The following CCDC171 variants were observed in gnomAD, a reference collection of about 807,000 sequenced individuals.
The protein encoded by CCDC171 is coiled-coil domain containing 171.
In CCDC171, 177 loss-of-function variants were observed where a neutral mutation model predicts 168.2. The ratio of observed to expected loss-of-function variants is 1.05; its 90% CI spans 0.93 to 1.19. The LOEUF (loss-of-function observed/expected upper bound fraction) is 1.19. CCDC171 is among the 50% of genes most tolerant of loss of function. The pLI is 0.00. For synonymous variants in CCDC171, 687 were observed against 540.8 expected, an observed-to-expected ratio of 1.27 and a Z score of -3.75; for missense variants, 1,991 against 1,539.0, an observed-to-expected ratio of 1.29 and a Z score of -4.91.
At chr9:15,896,688 A>G (rs1820944100) in intron 24 of CCDC171, among the ~76,000 whole-genome samples, 2 of 152,042 alleles carry the variant, frequency 1.3e-5, no homozygotes, top group South Asian at 4.1e-4. Context: ...CACCATTATC[A>G]CTAAAAAGCC....
chr9:16,010,855 C>A (rs1437210860), intron 3 of CCDC171, among the ~76,000 whole-genome samples: 1 of 151,934 alleles, frequency 6.6e-6, no homozygotes, highest in African/African-American at 2.4e-5. Context: ...GTTAGTTTGC[C>A]CTAAAAGAGT....
At chr9:15,556,982 A>G (rs1478497027) in intron 1 of CCDC171, among the ~76,000 whole-genome samples, 1 of 152,172 alleles carries the variant, frequency 6.6e-6, no homozygotes, top group Non-Finnish European at 1.5e-5. Context: ...TCCCAACACC[A>G]TTTATTAAAT....
chr9:15,588,333 A>ACGT (rs1422557923), intron 4 of CCDC171: 1 of 223,202 alleles, frequency 4.5e-6, no homozygotes, highest in African/African-American at 2.4e-5. Context: ...ATCTGGTGCT[A>ACGT]CGTCTTAGCA....
At chr9:16,040,573 C>A (rs986167710), upstream of CCDC171, among the ~76,000 whole-genome samples, 3 of 152,172 alleles carry the variant, frequency 2.0e-5, no homozygotes, top group Non-Finnish European at 2.9e-5. Flanking sequence ...ACGCTGAGCT[C>A]CTCCCAGGAA....
intron 25 of CCDC171, among the ~76,000 whole-genome samples, chr9:15,921,740 C>G (rs1276963239): frequency 6.6e-6 from 1 of 151,388 alleles, no homozygotes; most frequent in African/African-American, 2.4e-5. Context: ...AATTTGACCT[C>G]CACCAAGAGA....
the CCDC171 span, among the ~76,000 whole-genome samples, chr9:16,070,011 G>A: frequency 1.3e-5 from 2 of 152,170 alleles, no homozygotes; most frequent in African/African-American, 2.4e-5. Flanking sequence ...CTGTCTGTCT[G>A]TCTGTCTGAC....
At chr9:15,944,584 A>C (rs1203751687) in intron 25 of CCDC171, among the ~76,000 whole-genome samples, 1 of 152,024 alleles carries the variant, frequency 6.6e-6, no homozygotes, top group Non-Finnish European at 1.5e-5. Context: ...TACGTATTGA[A>C]GCAAATATTT....
chr9:15,748,116 T>G (rs532696133), intron 18 of CCDC171, among the ~76,000 whole-genome samples: 5 of 152,194 alleles, frequency 3.3e-5, no homozygotes, highest in South Asian at 2.1e-4. Flanking sequence ...TGACTTAACC[T>G]CTCTGGGCCT....
intron 10 of CCDC171, among the ~76,000 whole-genome samples, chr9:15,684,092 T>C (rs1206675343): frequency 6.6e-6 from 1 of 152,068 alleles, no homozygotes; most frequent in African/African-American, 2.4e-5. Context: ...CCCATACAAA[T>C]GCATTGTGCA....
intron 7 of CCDC171, among the ~76,000 whole-genome samples, chr9:15,630,690 C>A (rs1430539211): frequency 6.6e-6 from 1 of 152,198 alleles, no homozygotes; most frequent in African/African-American, 2.4e-5. Context: ...TAGACATCTA[C>A]AGAACTCTCC....
intron 6 of CCDC171, among the ~76,000 whole-genome samples, chr9:15,606,801 A>C (rs2043261169): frequency 6.6e-6 from 1 of 152,188 alleles, no homozygotes; most frequent in Non-Finnish European, 1.5e-5. Context: ...TGTCAGTTCA[A>C]AAACAAGCCT....
At chr9:15,642,697 T>A (rs918487079) in intron 7 of CCDC171, among the ~76,000 whole-genome samples, 5 of 152,146 alleles carry the variant, frequency 3.3e-5, no homozygotes, top group Admixed American at 3.3e-4. Flanking sequence ...GAGTAATTGA[T>A]AGTTTCAGTA....
chr9:15,645,471 C>A (rs1439807272), intron 7 of CCDC171, among the ~76,000 whole-genome samples: 5 of 152,112 alleles, frequency 3.3e-5, no homozygotes, highest in Non-Finnish European at 7.4e-5. Flanking sequence ...GATGTTCGAG[C>A]CCATTGTGAA....
chr9:15,777,950 G>A, intron 19 of CCDC171, 124 bp downstream of exon 19: 1 of 650,550 alleles, frequency 1.5e-6, no homozygotes, highest in Non-Finnish European at 2.4e-6. Context: ...TATAGTTCAT[G>A]TAAAATTTTA....
the CCDC171 span, among the ~76,000 whole-genome samples, chr9:16,077,003 CTT>C: frequency 1.4e-4 from 22 of 152,280 alleles, no homozygotes; most frequent in Admixed American, 3.3e-4. Flanking sequence ...CCCCTTTCCT[CTT>C]ATGATATTTT....
intron 1 of CCDC171, among the ~76,000 whole-genome samples, chr9:16,054,151 G>C (rs552863222): frequency 5.2e-4 from 79 of 152,276 alleles, no homozygotes; most frequent in Admixed American, 9.2e-4. Flanking sequence ...TCTGGGGTCC[G>C]GGCTTTGTAG....
chr9:15,725,001 T>C (rs2053706812), intron 14 of CCDC171, 25 bp downstream of exon 14: 1 of 1,552,528 alleles, frequency 6.4e-7, no homozygotes, highest in African/African-American at 1.4e-5. Flanking sequence ...TCAATGACTG[T>C]CAGGAAGGGC....
At chr9:15,876,517 C>G (rs2131269066) in intron 24 of CCDC171, among the ~76,000 whole-genome samples, 1 of 152,132 alleles carries the variant, frequency 6.6e-6, no homozygotes, top group African/African-American at 2.4e-5. Flanking sequence ...AAGGCAGAGC[C>G]TGGATTTAAG....
intron 24 of CCDC171, among the ~76,000 whole-genome samples, chr9:15,916,064 A>AG (rs1824457755): frequency 6.6e-6 from 1 of 152,002 alleles, no homozygotes; most frequent in African/African-American, 2.4e-5. Context: ...CTTCTTCCTT[A>AG]GGAATGACAT....
Sources: allele counts gnomAD v4.1 joint callset (sites outside exome capture counted in the v4.1 genomes callset), GRCh38; gene constraint gnomAD v4.1.1; transcripts MANE v1.5; gene names NCBI Gene and HGNC (gene_info 2026-07-23, HGNC 2026-07-21).